Variants in FAF1 observed in about 807,000 individuals in gnomAD.
FAF1 encodes FAS-associated factor 1.
In FAF1, 25 loss-of-function variants were observed where a neutral mutation model predicts 92.5. The observed-to-expected ratio is 0.27, with a 90% CI of 0.20 to 0.38. The LOEUF (loss-of-function observed/expected upper bound fraction) is 0.38, where lower values mean the gene tolerates loss of function less well. FAF1 is among the 10% of genes least tolerant of loss of function. The pLI is 1.00. For missense variants in FAF1, 636 were observed against 793.3 expected, an observed-to-expected ratio of 0.80 and a Z score of 2.38; for synonymous variants, 234 against 273.2, an observed-to-expected ratio of 0.86 and a Z score of 1.42.
chr1:50,795,864 G>T (rs1661729442), intron 3 of FAF1, among the ~76,000 whole-genome samples: 1 of 152,112 alleles, frequency 6.6e-6, no homozygotes, highest in African/African-American at 2.4e-5. Context: ...CGGATAGAGT[G>T]ACTGGTCCTG....
At chr1:50,570,417 G>A (rs1371112130) in intron 12 of FAF1, among the ~76,000 whole-genome samples, 1 of 151,844 alleles carries the variant, frequency 6.6e-6, no homozygotes, top group Admixed American at 6.6e-5. Context: ...GGCTCGCCTC[G>A]CCCCTCTTTT....
intron 1 of FAF1, among the ~76,000 whole-genome samples, chr1:50,897,509 A>T (rs1164701217): frequency 1.3e-5 from 2 of 152,222 alleles, no homozygotes; most frequent in African/African-American, 4.8e-5. Context: ...TTCAGAGGGA[A>T]CTGGACTAGG....
chr1:50,501,771 T>C (rs1646989986), intron 15 of FAF1, among the ~76,000 whole-genome samples: 1 of 152,182 alleles, frequency 6.6e-6, no homozygotes, highest in African/African-American at 2.4e-5. Flanking sequence ...AAAACTACTT[T>C]GGAAAACACT....
chr1:50,536,778 A>G (rs1347348797), intron 14 of FAF1, among the ~76,000 whole-genome samples: 1 of 152,198 alleles, frequency 6.6e-6, no homozygotes, highest in Non-Finnish European at 1.5e-5. Flanking sequence ...ATGAATATTT[A>G]TTCAATAAAT....
At chr1:50,930,188 T>C (rs1355862085) in intron 1 of FAF1, among the ~76,000 whole-genome samples, 2 of 152,204 alleles carry the variant, frequency 1.3e-5, no homozygotes, top group African/African-American at 4.8e-5. Context: ...AGTGGGAAAT[T>C]CTCAATTACA....
At chr1:50,479,714 T>C (rs1646678420) in intron 17 of FAF1, among the ~76,000 whole-genome samples, 1 of 152,152 alleles carries the variant, frequency 6.6e-6, no homozygotes, top group Admixed American at 6.5e-5. Flanking sequence ...TAAACAACAG[T>C]AGCTCGTTAC....
chr1:50,748,850 G>A (rs2124505749), intron 4 of FAF1, among the ~76,000 whole-genome samples: 1 of 152,262 alleles, frequency 6.6e-6, no homozygotes, highest in African/African-American at 2.4e-5. Flanking sequence ...TGCTGATGAA[G>A]AAAAAGAAGA....
At chr1:50,715,023 A>AAT in intron 6 of FAF1, 1 of 435,758 alleles carries the variant, frequency 2.3e-6, no homozygotes, top group Non-Finnish European at 4.6e-6. Flanking sequence ...AAGTTCTAAA[A>AAT]ATATATATCT....
intron 1 of FAF1, among the ~76,000 whole-genome samples, chr1:50,905,653 T>C (rs1365391027): frequency 3.3e-5 from 5 of 152,370 alleles, no homozygotes; most frequent in Middle Eastern, 3.4e-3. Context: ...CATTTTTTCA[T>C]GTGTCTGTTG....
At chr1:50,636,323 C>T (rs1254934520) in intron 8 of FAF1, among the ~76,000 whole-genome samples, 2 of 151,192 alleles carry the variant, frequency 1.3e-5, no homozygotes, top group African/African-American at 4.9e-5. Flanking sequence ...AACTACCATA[C>T]CTGATCTGAG....
chr1:50,720,434 ATTACT>A (rs774869457), intron 6 of FAF1, among the ~76,000 whole-genome samples: 14 of 152,368 alleles, frequency 9.2e-5, no homozygotes, highest in South Asian at 2.1e-4. Context: ...GAGAAATGAA[ATTACT>A]TTAAGAATAA....
intron 8 of FAF1, among the ~76,000 whole-genome samples, 166 bp downstream of exon 8, chr1:50,655,276 C>A (rs1290733529): frequency 6.6e-6 from 1 of 152,206 alleles, no homozygotes; most frequent in African/African-American, 2.4e-5. Flanking sequence ...CACGCCTCAG[C>A]CTCCCAAAGT....
intron 7 of FAF1, among the ~76,000 whole-genome samples, chr1:50,685,675 G>A (rs929301531): frequency 6.6e-6 from 1 of 152,182 alleles, no homozygotes; most frequent in African/African-American, 2.4e-5. Flanking sequence ...AGCTTTATGT[G>A]TACAAGTGTA....
In FAF1 at chr1:50,676,948, T is replaced by C. The variant is rs150711986; in HGVS notation, c.658-21420A>G. Among the ~76,000 whole-genome samples, 14 of 152,260 alleles carry C rather than the reference T, an allele frequency of 9.2e-5. No homozygotes were observed. The East Asian group carries it at 2.3e-3, about 25-fold the overall frequency. ...TCTCCATTCTATTCCAACTGTGATA[T>C]ACATGAAAAAGGGCAATAAAATACA... is the stretch of plus-strand genomic sequence containing the variant. On this transcript the variant is annotated intron_variant, in intron 7 of 18. Coordinates refer to ENST00000396153, the MANE Select transcript of FAF1 (RefSeq NM_007051.3).
At chr1:50,563,762 T>C (rs1234370437) in intron 13 of FAF1, among the ~76,000 whole-genome samples, 1 of 152,190 alleles carries the variant, frequency 6.6e-6, no homozygotes, top group Non-Finnish European at 1.5e-5. Flanking sequence ...ACATTAATCA[T>C]TACAGCTAAA....
At chr1:50,848,179 T>A (rs1644318032) in intron 2 of FAF1, among the ~76,000 whole-genome samples, 1 of 152,236 alleles carries the variant, frequency 6.6e-6, no homozygotes, top group Non-Finnish European at 1.5e-5. Context: ...AAACAAATGA[T>A]AATTAAATTA....
chr1:50,880,615 G>A (rs1476126394), intron 1 of FAF1, among the ~76,000 whole-genome samples: 1 of 152,182 alleles, frequency 6.6e-6, no homozygotes, highest in East Asian at 1.9e-4. Flanking sequence ...GCCAGGAGGA[G>A]CCTTCGCTAG....
chr1:50,698,607 T>C (rs886549231), intron 7 of FAF1, among the ~76,000 whole-genome samples: 10 of 152,242 alleles, frequency 6.6e-5, no homozygotes, highest in Admixed American at 5.9e-4. Context: ...TTTCTTAATC[T>C]TTCATATTTT....
chr1:50,903,087 T>C (rs887608012), intron 1 of FAF1, among the ~76,000 whole-genome samples: 4 of 152,122 alleles, frequency 2.6e-5, no homozygotes, highest in South Asian at 2.1e-4. Context: ...TAGATTCTTA[T>C]CTCTTGAAAT....
Sources: allele counts gnomAD v4.1 joint callset (sites outside exome capture counted in the v4.1 genomes callset), GRCh38; gene constraint gnomAD v4.1.1; transcripts MANE v1.5; gene names NCBI Gene and HGNC (gene_info 2026-07-23, HGNC 2026-07-21).